TGFBR3: variants seen among roughly 807,000 people sequenced by gnomAD.
TGFBR3 encodes transforming growth factor beta receptor 3, also known as transforming growth factor beta receptor type 3.
TGFBR3 carries 46 observed loss-of-function variants against 87.9 expected under a neutral mutation model. The observed-to-expected ratio is 0.52, with a 90% CI of 0.41 to 0.67. The LOEUF is 0.67. Ranked by LOEUF, TGFBR3 falls within the 30% of genes least tolerant of loss-of-function variation. TGFBR3 has a pLI of 0.00. For synonymous variants in TGFBR3, 381 were observed against 391.6 expected (o/e 0.97, Z 0.32); for missense variants, 866 against 1,041.9 (o/e 0.83, Z 2.32).
chr1:91,815,299 C>CT (rs879848150), intron 2 of TGFBR3, among the ~76,000 whole-genome samples: 14,633 of 110,146 alleles, frequency 0.13, 1,130 homozygotes, highest in East Asian at 0.4. Flanking sequence ...AAGACTCCAT[C>CT]TAAAAATAAA....
chr1:91,818,274 C>A (rs1048483803), intron 2 of TGFBR3, among the ~76,000 whole-genome samples: 8 of 128,000 alleles, frequency 6.3e-5, no homozygotes, highest in African/African-American at 2.1e-4. Context: ...CCCTTAGCCC[C>A]AGCCTTTTTT....
chr1:91,881,777 C>T (rs1679085070), intron 1 of TGFBR3, among the ~76,000 whole-genome samples: 1 of 152,116 alleles, frequency 6.6e-6, no homozygotes, highest in South Asian at 2.1e-4. Context: ...CAGTCGCTCA[C>T]GCCTATAATC....
intron 3 of TGFBR3, among the ~76,000 whole-genome samples, chr1:91,776,401 A>G (rs1013678920): frequency 2.2e-4 from 34 of 152,332 alleles, no homozygotes; most frequent in African/African-American, 8.2e-4. Context: ...CCTTGCCCAG[A>G]GCCACTCAGA....
chr1:91,687,787 G>A (rs1360614979), intron 16 of TGFBR3, among the ~76,000 whole-genome samples: 1 of 152,134 alleles, frequency 6.6e-6, no homozygotes, highest in Non-Finnish European at 1.5e-5. Flanking sequence ...TAGTTATAGA[G>A]GGAATTTATG....
chr1:91,756,990 TATA>T (rs1321626983), intron 4 of TGFBR3, among the ~76,000 whole-genome samples: 3 of 152,212 alleles, frequency 2.0e-5, no homozygotes, highest in South Asian at 4.1e-4. Context: ...ATAACATTGA[TATA>T]ATATTTTAAT....
intron 2 of TGFBR3, among the ~76,000 whole-genome samples, chr1:91,842,668 A>C (rs547844486): frequency 6.6e-6 from 1 of 152,248 alleles, no homozygotes; most frequent in Admixed American, 6.5e-5. Flanking sequence ...GCCCATAATA[A>C]GGTTGTTCTA....
chr1:91,735,075 T>A lies in TGFBR3; in HGVS notation c.385-116A>T, dbSNP rs1004717427. 8.3e-6 allele frequency: 10 copies of A among 1,204,876 alleles called. No individual in the cohort carries two copies. In the African/African-American group the frequency reaches 1.5e-4, roughly 18 times the overall value. The allele number at this position is 1,204,876 out of a possible 1,614,324, so 74.6% of individuals were successfully genotyped here. A position where few individuals can be genotyped will look rare whatever the true frequency, so the allele number is the denominator to read the frequency against. ...TAAATCGAACCTCTTCCCTTTGTTA[T>A]ACAAGCAGATCAGCGTTTTTAAGCA... On this transcript the variant is annotated intron_variant, in intron 4 of 16. Coordinates refer to ENST00000212355, the MANE Select transcript of TGFBR3 (RefSeq NM_003243.5).
chr1:91,750,663 T>G (rs1365743890), intron 4 of TGFBR3, among the ~76,000 whole-genome samples: 1 of 152,086 alleles, frequency 6.6e-6, no homozygotes, highest in Non-Finnish European at 1.5e-5. Context: ...CTTGAAACAT[T>G]TAGTTATTTA....
chr1:91,860,713 C>T (rs759843985), intron 2 of TGFBR3, among the ~76,000 whole-genome samples: 30 of 152,096 alleles, frequency 2.0e-4, no homozygotes, highest in Non-Finnish European at 4.0e-4. Context: ...AGGCGGATCA[C>T]CTGAGGTCAG....
At chr1:91,890,545 G>A (rs763139664), upstream of TGFBR3, among the ~76,000 whole-genome samples, 4 of 146,402 alleles carry the variant, frequency 2.7e-5, no homozygotes, top group African/African-American at 5.0e-5. Flanking sequence ...TCAGCTTCCC[G>A]AGTAGCTGGG....
In TGFBR3 at chr1:91,875,794, G is replaced by GA. The variant is rs1406619122; in HGVS notation, c.-114+10083_-114+10084insT. Among the ~76,000 whole-genome samples, 5 of 51,026 alleles carry GA rather than the reference G, an allele frequency of 9.8e-5. 1 individual carries two copies. Among genetic ancestry groups the GA allele is most frequent in the Non-Finnish European group, 1.3e-4 (3 of 22,862 alleles). 33.5% of individuals were successfully genotyped at this position (51,026 alleles called of 152,430 possible). On this transcript the variant is annotated intron_variant, in intron 1 of 16. Coordinates refer to ENST00000212355, the MANE Select transcript of TGFBR3 (RefSeq NM_003243.5). Reference sequence around the variant, plus strand: ...TCCCAGCTACTCGGGCGGGGGGGGGGGGTGGGAGTGTGCAGCTGAGGGAGG... The same window carrying GA: ...TCCCAGCTACTCGGGCGGGGGGGGGGAGGTGGGAGTGTGCAGCTGAGGGAGG...
chr1:91,684,587 C>T (rs1671027798), intron 16 of TGFBR3, among the ~76,000 whole-genome samples: 1 of 152,180 alleles, frequency 6.6e-6, no homozygotes, highest in South Asian at 2.1e-4. Flanking sequence ...TTTCATTACA[C>T]ACCCCACTGC....
chr1:91,850,080 C>CAAAAAAAAAAAAAAAAAAAA (rs376631972), intron 2 of TGFBR3, among the ~76,000 whole-genome samples: 14 of 52,140 alleles, frequency 2.7e-4, no homozygotes, highest in African/African-American at 6.7e-4. Context: ...GACTCCATCT[C>CAAAAAAAAAAAAAAAAAAAA]AAAAAAAAAA....
At chr1:91,848,193 T>C (rs1677579249) in intron 2 of TGFBR3, among the ~76,000 whole-genome samples, 1 of 152,134 alleles carries the variant, frequency 6.6e-6, no homozygotes, top group Admixed American at 6.5e-5. Context: ...CACTAAGAAA[T>C]TGTCTAGGTG....
At chr1:91,867,971 T>G (rs1306261428) in intron 1 of TGFBR3, among the ~76,000 whole-genome samples, 1 of 152,198 alleles carries the variant, frequency 6.6e-6, no homozygotes, top group Non-Finnish European at 1.5e-5. Flanking sequence ...CAGGCTGGAG[T>G]GCAGTGGCAC....
intron 2 of TGFBR3, among the ~76,000 whole-genome samples, chr1:91,837,135 T>C (rs996429475): frequency 1.3e-5 from 2 of 152,190 alleles, no homozygotes; most frequent in African/African-American, 2.4e-5. Context: ...TTTAAGTCTG[T>C]ATTTGTAAAT....
rs756770942 is a variant in TGFBR3 at position 91,719,889 on chromosome 1, C to T, written c.1413+4G>A. 10 of 1,613,924 alleles carry T rather than the reference C, an allele frequency of 6.2e-6. No individual in the cohort carries two copies. Among genetic ancestry groups the T allele is most frequent in the Admixed American group, 1.7e-5 (1 of 59,988 alleles). On this transcript the variant is annotated splice_donor_region_variant and intron_variant, in intron 9 of 16. Coordinates refer to ENST00000212355, the MANE Select transcript of TGFBR3 (RefSeq NM_003243.5). ...TCTTCCCTCCTGTAATCAGCTGCACCGACCTGAAAAGAATCTTTTTCTACA... is the reference window on the plus strand; with the variant it reads ...TCTTCCCTCCTGTAATCAGCTGCACTGACCTGAAAAGAATCTTTTTCTACA...
At chr1:91,856,057 G>C (rs191864635) in intron 2 of TGFBR3, among the ~76,000 whole-genome samples, 45 of 152,054 alleles carry the variant, frequency 3.0e-4, no homozygotes, top group African/African-American at 1.1e-3. Flanking sequence ...GGAGGGGAGG[G>C]AAAGCATGAG....
At chr1:91,859,074 AT>A (rs1678077732) in intron 2 of TGFBR3, among the ~76,000 whole-genome samples, 1 of 151,758 alleles carries the variant, frequency 6.6e-6, no homozygotes, top group Non-Finnish European at 1.5e-5. Flanking sequence ...AAAAAAAAAA[AT>A]CTGTAACTCT....
Sources: gnomAD v4.1 joint callset for allele counts (sites outside exome capture counted in the v4.1 genomes callset) on GRCh38, gnomAD v4.1.1 for gene constraint, MANE v1.5 for transcripts, NCBI Gene and HGNC (gene_info 2026-07-23, HGNC 2026-07-21) for gene names.